CLINT1: variants seen among roughly 807,000 people sequenced by gnomAD.
CLINT1 encodes clathrin interactor 1.
In CLINT1, 15 loss-of-function variants were observed where a neutral mutation model predicts 70.4. That is an observed-to-expected ratio of 0.21 (90% CI 0.14 to 0.33). The LOEUF is 0.33. Among genes scored for constraint, CLINT1 ranks in the 10% least tolerant of loss-of-function variants. The probability of loss-of-function intolerance (pLI) is 1.00; values close to 1 mark genes in which losing one functional copy is unlikely to be tolerated. For missense variants in CLINT1, 615 were observed against 778.1 expected (o/e 0.79, Z 2.49); for synonymous variants, 227 against 254.7 (o/e 0.89, Z 1.04).
intron 1 of CLINT1, among the ~76,000 whole-genome samples, chr5:157,843,125 AT>A (rs1753245975): frequency 6.6e-6 from 1 of 152,156 alleles, no homozygotes; most frequent in Admixed American, 6.6e-5. Context: ...CACTAAAAAA[AT>A]TTTTAGAGTA....
chr5:157,840,520 A>G (rs1003340756), intron 1 of CLINT1, among the ~76,000 whole-genome samples: 1 of 151,732 alleles, frequency 6.6e-6, no homozygotes, highest in African/African-American at 2.4e-5. Context: ...GCATTGAAGC[A>G]AAGGGGGCAT....
intron 1 of CLINT1, among the ~76,000 whole-genome samples, chr5:157,838,390 T>C (rs1197054869): frequency 6.6e-6 from 1 of 152,240 alleles, no homozygotes; most frequent in Non-Finnish European, 1.5e-5. Flanking sequence ...CCCAAAATGC[T>C]GGGATTACAG....
intron 1 of CLINT1, chr5:157,823,643 A>G (rs1430709236): frequency 3.3e-6 from 1 of 301,152 alleles, no homozygotes; most frequent in African/African-American, 2.3e-5. Flanking sequence ...GTCACCTTTT[A>G]TCCTCAATGC....
intron 5 of CLINT1, among the ~76,000 whole-genome samples, chr5:157,811,041 G>GT (rs201249964): frequency 6.6e-6 from 1 of 152,138 alleles, no homozygotes; most frequent in Non-Finnish European, 1.5e-5. Flanking sequence ...AACCAGGATG[G>GT]TTTTTTTAAA....
At chr5:157,813,025 A>C in intron 5 of CLINT1, 38 bp downstream of exon 5, 1 of 1,592,682 alleles carries the variant, frequency 6.3e-7, no homozygotes, top group Middle Eastern at 1.7e-4. Flanking sequence ...CAAGAAGCTA[A>C]GCTGATGCTT....
chr5:157,848,915 G>A (rs1753477453), intron 1 of CLINT1, among the ~76,000 whole-genome samples: 1 of 152,048 alleles, frequency 6.6e-6, no homozygotes, highest in Non-Finnish European at 1.5e-5. Flanking sequence ...ACCCACCTCA[G>A]CCTCCCAAAG....
chr5:157,805,974 T>C lies in CLINT1; in HGVS notation c.834A>G (p.Thr278=). The C allele has an allele frequency of 6.2e-7, 1 of 1,613,984 alleles. No homozygotes were observed. Among genetic ancestry groups the C allele is most frequent in the Middle Eastern group, 1.6e-4 (1 of 6,062 alleles). The stretch of plus-strand genomic sequence containing the variant: ...GATCAATGGTTTTGGAAGGATTTGC[T>C]GTGCGCTTGTGTCTGGTTGTGGTGG... ...TETTTTRHKR[T]ANPSKTIDLG... is the part of the protein sequence containing the mutation. The change falls in exon 7 of 12, where the codon ACA becomes ACG. Residue 278 remains threonine (T), a synonymous_variant. Coordinates refer to ENST00000411809, the MANE Select transcript of CLINT1 (RefSeq NM_014666.4).
chr5:157,788,223 G>A (rs1761787200), intron 11 of CLINT1, among the ~76,000 whole-genome samples: 1 of 152,126 alleles, frequency 6.6e-6, no homozygotes, highest in Non-Finnish European at 1.5e-5. Context: ...AGAGTAGACT[G>A]GGGAAAAACA....
In CLINT1 at chr5:157,814,167, G is replaced by A. The variant is rs760370291; in HGVS notation, c.352+18C>T. ...AACTACTGTTTTAATTTGCTTATAA[G>A]GTTTTTCTATTGCTTACCTACAAAG... is the stretch of plus-strand genomic sequence containing the variant. On this transcript the variant is annotated intron_variant, in intron 4 of 11. Transcript: ENST00000411809. 6.6e-7 allele frequency: 1 copy of A among 1,522,108 alleles called. No homozygotes were observed. The highest frequency in any genetic ancestry group is 1.2e-5 in the South Asian group (1 of 86,152). The allele number at this position is 1,522,108 out of a possible 1,614,324, so 94.3% of individuals were successfully genotyped here. A position where few individuals can be genotyped will look rare whatever the true frequency, so the allele number is the denominator to read the frequency against.
In CLINT1 at chr5:157,859,026, G is replaced by C; in HGVS notation, c.-56C>G. ...CCTCTCCTGCTCCCCACGGACCCCG[G>C]AACACTTCCGTACCGGGGCAGTTCC... On this transcript the variant is annotated 5_prime_UTR_variant, in exon 1 of 12. Coordinates refer to ENST00000411809, the MANE Select transcript of CLINT1 (RefSeq NM_014666.4). 4 of 1,600,344 alleles carry C rather than the reference G, an allele frequency of 2.5e-6. No homozygotes were observed. Among genetic ancestry groups the C allele is most frequent in the South Asian group, 2.2e-5 (2 of 89,334 alleles).
chr5:157,851,458 G>A (rs1207700208), intron 1 of CLINT1, among the ~76,000 whole-genome samples: 1 of 152,098 alleles, frequency 6.6e-6, no homozygotes, highest in Non-Finnish European at 1.5e-5. Context: ...GGAGGCCACG[G>A]TGGGTAGATT....
At chr5:157,815,030 C>CA (rs572736166) in intron 3 of CLINT1, among the ~76,000 whole-genome samples, 306 of 51,582 alleles carry the variant, frequency 5.9e-3, no homozygotes, top group African/African-American at 0.014. Context: ...AACTCTGTCT[C>CA]AAAAAAAAAA....
chr5:157,794,809 C>G, intron 9 of CLINT1, 89 bp downstream of exon 9: 2 of 925,192 alleles, frequency 2.2e-6, no homozygotes, highest in Non-Finnish European at 3.4e-6. Flanking sequence ...AGAAAAATGA[C>G]AGAAAGAAGC....
chr5:157,789,341 G>A, intron 11 of CLINT1, 22 bp downstream of exon 11: 1 of 1,600,558 alleles, frequency 6.2e-7, no homozygotes, highest in South Asian at 1.1e-5. Flanking sequence ...ACAAAGAAGT[G>A]GGACGTCTTA....
chr5:157,828,379 T>C (rs1484324415), intron 1 of CLINT1, among the ~76,000 whole-genome samples: 1 of 152,176 alleles, frequency 6.6e-6, no homozygotes, highest in Non-Finnish European at 1.5e-5. Flanking sequence ...TGGAACAATG[T>C]AAGCAACAGA....
chr5:157,836,977 T>C (rs933035082), intron 1 of CLINT1, among the ~76,000 whole-genome samples: 2 of 152,028 alleles, frequency 1.3e-5, no homozygotes, highest in African/African-American at 4.8e-5. Context: ...AAATGATCAA[T>C]AAATACTCAT....
intron 1 of CLINT1, among the ~76,000 whole-genome samples, chr5:157,838,073 C>G (rs1404797068): frequency 6.6e-6 from 1 of 151,390 alleles, no homozygotes; most frequent in Non-Finnish European, 1.5e-5. Flanking sequence ...GGAAAAATGC[C>G]ACTTTTAACA....
rs777358337 is a variant in CLINT1, at chr5:157,803,709, G to A, written c.953C>T (p.Pro318Leu). The change falls in exon 8 of 12, where the codon CCT (proline) becomes CTT (leucine). Residue 318 changes from proline (P) to leucine (L), a missense_variant. Coordinates refer to ENST00000411809, the MANE Select transcript of CLINT1 (RefSeq NM_014666.4). ...AAGGTCACCAGATGACTTGCTGCTAGGCACTGAAGTCTGAAAACACACACA... is the reference window on the plus strand; with the variant it reads ...AAGGTCACCAGATGACTTGCTGCTAAGCACTGAAGTCTGAAAACACACACA... Reference protein sequence around the residue: ...TPQSSVKTSVPSSKSSGDLVD... With the variant: ...TPQSSVKTSVLSSKSSGDLVD... The A allele has an allele frequency of 1.5e-5, 24 of 1,552,964 alleles. No individual in the cohort carries two copies. Among genetic ancestry groups the A allele is most frequent in the Admixed American group, 3.5e-5 (2 of 57,274 alleles).
intron 6 of CLINT1, 74 bp downstream of exon 6, chr5:157,809,554 C>A (rs2113191939): frequency 9.4e-6 from 12 of 1,276,276 alleles, no homozygotes; most frequent in South Asian, 3.7e-5. Context: ...ACAAAACCAA[C>A]AAAAAACCAA....
Sources: gnomAD v4.1 joint callset for allele counts (sites outside exome capture counted in the v4.1 genomes callset) on GRCh38, gnomAD v4.1.1 for gene constraint, MANE v1.5 for transcripts, NCBI Gene and HGNC (gene_info 2026-07-23, HGNC 2026-07-21) for gene names.